The following NKAIN2 variants were observed in gnomAD, a reference collection of about 807,000 sequenced individuals.
NKAIN2 encodes sodium/potassium transporting ATPase interacting 2.
A neutral mutation model predicts 32.6 loss-of-function variants in NKAIN2; 14 were observed. That is an observed-to-expected ratio of 0.43 (90% CI 0.28 to 0.67). The LOEUF (loss-of-function observed/expected upper bound fraction) is 0.67. Among genes scored for constraint, NKAIN2 ranks in the 30% least tolerant of loss-of-function variants. NKAIN2 has a pLI of 0.17. For missense variants in NKAIN2, 198 were observed against 258.3 expected (o/e 0.77, Z 1.60); for synonymous variants, 80 against 87.2 (o/e 0.92, Z 0.46).
At chr6:123,868,470 T>C (rs1032511316) in intron 1 of NKAIN2, among the ~76,000 whole-genome samples, 1 of 152,220 alleles carries the variant, frequency 6.6e-6, no homozygotes, top group Non-Finnish European at 1.5e-5. Flanking sequence ...GCTTGTGGTA[T>C]TTTTCTGAAT....
At chr6:124,505,135 G>A (rs138250007) in intron 3 of NKAIN2, among the ~76,000 whole-genome samples, 166 of 152,160 alleles carry the variant, frequency 1.1e-3, no homozygotes, top group African/African-American at 3.7e-3. Flanking sequence ...GATCTAAAGC[G>A]AAAACAAAAC....
intron 2 of NKAIN2, among the ~76,000 whole-genome samples, chr6:124,306,358 T>TTATATATATATATATATATATATCA (rs1421183457): frequency 6.6e-6 from 1 of 152,144 alleles, no homozygotes; most frequent in African/African-American, 2.4e-5. Context: ...TACTCCTGAG[T>TTATATATATATATATATATATATCA]GAATATATAT....
chr6:124,443,984 G>A (rs1213496609), intron 3 of NKAIN2, among the ~76,000 whole-genome samples: 1 of 151,726 alleles, frequency 6.6e-6, no homozygotes, highest in African/African-American at 2.4e-5. Context: ...CTCCTTTTTA[G>A]TATATAGCAG....
At chr6:124,023,072 A>AAG (rs1780945658) in intron 1 of NKAIN2, among the ~76,000 whole-genome samples, 1 of 151,390 alleles carries the variant, frequency 6.6e-6, no homozygotes, top group African/African-American at 2.4e-5. Context: ...GTATAAGTAT[A>AAG]TATATATATG....
chr6:124,386,596 G>C, intron 3 of NKAIN2, among the ~76,000 whole-genome samples: 1 of 152,132 alleles, frequency 6.6e-6, no homozygotes, highest in East Asian at 1.9e-4. Context: ...AATGGTTTTG[G>C]CATTCACTGA....
At position 124,522,220 on chromosome 6, in the gene NKAIN2, T is replaced by G. The variant is rs530258060; in HGVS notation, c.274-135966T>G. 2.8e-3 allele frequency among the ~76,000 whole-genome samples: 428 copies of G among 152,298 alleles called. 1 individual carries two copies. Among genetic ancestry groups the G allele is most frequent in the Non-Finnish European group, 5.4e-3 (364 of 68,024 alleles). On this transcript the variant is annotated intron_variant, in intron 3 of 6. Coordinates refer to ENST00000368417, the MANE Select transcript of NKAIN2 (RefSeq NM_001040214.3). ...ATATATCTGTAAAGTTATATTCTATTCTCTGATAAGAATGATGCTATGTTC... is the reference window on the plus strand; with the variant it reads ...ATATATCTGTAAAGTTATATTCTATGCTCTGATAAGAATGATGCTATGTTC...
chr6:124,262,694 A>T (rs1312543520), intron 1 of NKAIN2, among the ~76,000 whole-genome samples: 1 of 152,200 alleles, frequency 6.6e-6, no homozygotes, highest in Non-Finnish European at 1.5e-5. Context: ...AGTTATATAG[A>T]AATGGTAGGC....
At chr6:124,105,176 A>C (rs1785061776) in intron 1 of NKAIN2, among the ~76,000 whole-genome samples, 1 of 152,136 alleles carries the variant, frequency 6.6e-6, no homozygotes, top group Admixed American at 6.6e-5. Flanking sequence ...GAAAAATCTC[A>C]TGTTTCCTGG....
At chr6:124,735,584 T>C (rs1211968917) in intron 4 of NKAIN2, among the ~76,000 whole-genome samples, 2 of 151,934 alleles carry the variant, frequency 1.3e-5, no homozygotes, top group Admixed American at 1.3e-4. Context: ...ATTGATGGTT[T>C]GTGGGAACTC....
chr6:123,919,713 G>A (rs1317201315), intron 1 of NKAIN2, among the ~76,000 whole-genome samples: 2 of 151,996 alleles, frequency 1.3e-5, no homozygotes, highest in East Asian at 3.9e-4. Context: ...TAATGCCCCA[G>A]CATTTGAAAT....
intron 1 of NKAIN2, among the ~76,000 whole-genome samples, chr6:124,264,668 C>T (rs1794406520): frequency 1.3e-5 from 2 of 152,120 alleles, no homozygotes; most frequent in Admixed American, 1.3e-4. Context: ...GATTGGACCC[C>T]CAGTGGGGAA....
chr6:124,762,874 C>T (rs1449340866), intron 4 of NKAIN2, among the ~76,000 whole-genome samples: 1 of 152,126 alleles, frequency 6.6e-6, no homozygotes, highest in Non-Finnish European at 1.5e-5. Flanking sequence ...GGATTTCAGA[C>T]TAGAAAAGGT....
chr6:124,550,155 T>A (rs552127465), intron 3 of NKAIN2, among the ~76,000 whole-genome samples: 7 of 152,200 alleles, frequency 4.6e-5, no homozygotes, highest in African/African-American at 1.4e-4. Context: ...TTCTCTCCTG[T>A]TTATTTAGTT....
rs542051977 is a variant in NKAIN2 at position 124,248,415 on chromosome 6, C to T, written c.55-34590C>T. On this transcript the variant is annotated intron_variant, in intron 1 of 6. Coordinates refer to ENST00000368417, the MANE Select transcript of NKAIN2 (RefSeq NM_001040214.3). ...GTTTTATGTCTTCCTTCCCCCCCACCGAACCTTTTCCCAAATAAACAAATT... is the reference window on the plus strand; with the variant it reads ...GTTTTATGTCTTCCTTCCCCCCCACTGAACCTTTTCCCAAATAAACAAATT... Among the ~76,000 whole-genome samples, 44 of 152,042 alleles carry T rather than the reference C, an allele frequency of 2.9e-4. No individual in the cohort carries two copies. The South Asian group carries it at 5.2e-3, about 18-fold the overall frequency.
intron 1 of NKAIN2, among the ~76,000 whole-genome samples, chr6:124,260,961 G>A (rs1794224286): frequency 6.6e-6 from 1 of 152,190 alleles, no homozygotes; most frequent in African/African-American, 2.4e-5. Context: ...ATATGTGTAA[G>A]ATGCAGTTCT....
chr6:124,646,140 A>G lies in NKAIN2; in HGVS notation c.274-12046A>G, dbSNP rs184472831. ...TTTACTTATTTATTTAGTGAAGATG[A>G]GTAACTTGAATAAAGCAAAAGCAAT... On this transcript the variant is annotated intron_variant, in intron 3 of 6. Transcript: ENST00000368417. Among the ~76,000 whole-genome samples the G allele has an allele frequency of 9.3e-4, 142 of 152,298 alleles. 1 individual carries two copies. The highest frequency in any genetic ancestry group is 6.8e-3 in the Middle Eastern group (2 of 294).
At chr6:123,930,353 T>C (rs1055773104) in intron 1 of NKAIN2, among the ~76,000 whole-genome samples, 5 of 152,168 alleles carry the variant, frequency 3.3e-5, no homozygotes, top group African/African-American at 1.2e-4. Flanking sequence ...TTTAATCTAC[T>C]TTTGTCCAAC....
intron 1 of NKAIN2, among the ~76,000 whole-genome samples, chr6:124,235,174 A>C (rs1792684202): frequency 6.6e-6 from 1 of 152,202 alleles, no homozygotes; most frequent in South Asian, 2.1e-4. Flanking sequence ...TGAAGGTCAA[A>C]ACCATGTGCT....
intron 4 of NKAIN2, among the ~76,000 whole-genome samples, chr6:124,710,837 G>C (rs1775407430): frequency 6.7e-6 from 1 of 150,014 alleles, no homozygotes; most frequent in African/African-American, 2.5e-5. Context: ...TACATTTAAA[G>C]TTAATATTGT....
Sources: allele counts gnomAD v4.1 joint callset (sites outside exome capture counted in the v4.1 genomes callset), GRCh38; gene constraint gnomAD v4.1.1; transcripts MANE v1.5; gene names NCBI Gene and HGNC (gene_info 2026-07-23, HGNC 2026-07-21).